Variants in HELQ observed in about 807,000 individuals in gnomAD.
HELQ encodes helicase, POLQ like, also known as helicase POLQ-like.
Under a neutral mutation model 111.6 loss-of-function variants are expected in HELQ, and 77 were observed. The ratio of observed to expected loss-of-function variants is 0.69; its 90% confidence interval spans 0.57 to 0.83. The LOEUF (loss-of-function observed/expected upper bound fraction) is 0.83, where lower values mean the gene tolerates loss of function less well. HELQ is among the 40% of genes least tolerant of loss of function. HELQ has a pLI of 0.00. For missense variants in HELQ, 1,200 were observed against 1,288.5 expected, an observed-to-expected ratio of 0.93 and a Z score of 1.05; for synonymous variants, 438 against 454.7, an observed-to-expected ratio of 0.96 and a Z score of 0.47.
intron 4 of HELQ, among the ~76,000 whole-genome samples, chr4:83,446,606 A>T (rs6854739): frequency 0.49 from 74,636 of 151,992 alleles, 18,807 homozygotes; most frequent in East Asian, 0.67. Context: ...ACGCCCAGCC[A>T]ATAAAATTGT....
chr4:83,441,818 G>A (rs1172714330), intron 6 of HELQ, among the ~76,000 whole-genome samples: 1 of 148,028 alleles, frequency 6.8e-6, no homozygotes, highest in African/African-American at 2.5e-5. Flanking sequence ...TATCACCCAG[G>A]CTTGGAGTGC....
chr4:83,429,357 C>T (rs1415712229), intron 12 of HELQ, among the ~76,000 whole-genome samples, 167 bp downstream of exon 12: 1 of 152,116 alleles, frequency 6.6e-6, no homozygotes, highest in Non-Finnish European at 1.5e-5. Context: ...CTATATTGGC[C>T]AGGCTGGTCT....
intron 17 of HELQ, among the ~76,000 whole-genome samples, chr4:83,411,604 A>AAAATAAATAAATAAATAAATAAAT (rs147373472): frequency 3.3e-5 from 5 of 150,100 alleles, no homozygotes; most frequent in African/African-American, 1.0e-4. Flanking sequence ...ACCCTGTCTC[A>AAAATAAATAAATAAATAAATAAAT]AAATAAATAA....
In HELQ at chr4:83,453,408, C is replaced by A. The variant is rs749105299; in HGVS notation, c.835G>T (p.Ala279Ser). 5 of 1,604,448 alleles carry A rather than the reference C, an allele frequency of 3.1e-6. No homozygotes were observed. In the South Asian group the frequency reaches 3.4e-5, roughly 11 times the overall value. Residue 279 changes from alanine (A) to serine (S), a missense_variant, in exon 2 of 18, where the codon GCC becomes TCC. Transcript: ENST00000295488. ...LKNAMTGNAK[A>S]QTPIFSRSKQ... ...CTTCTAGAAAATATTGGTGTCTGGG[C>A]CTTCGCATTTCCAGTCATGGCATTT...
At chr4:83,418,519 A>G (rs1739481549) in intron 15 of HELQ, among the ~76,000 whole-genome samples, 1 of 152,252 alleles carries the variant, frequency 6.6e-6, no homozygotes, top group Non-Finnish European at 1.5e-5. Context: ...AGTGACTAAA[A>G]ACAATTCCTA....
chr4:83,425,979 A>T lies in HELQ; in HGVS notation c.2775+15T>A. ...AGTGAACTTATTATTTAGGAAGAAA[A>T]AAAGAATGTGGTACCTTTCCGATGG... On this transcript the variant is annotated intron_variant, in intron 14 of 17. Coordinates refer to ENST00000295488, the MANE Select transcript of HELQ (RefSeq NM_133636.5). 1 of 1,456,036 alleles carries T rather than the reference A, an allele frequency of 6.9e-7. No homozygotes were observed. The highest frequency in any genetic ancestry group is 2.3e-5 in the East Asian group (1 of 44,018). The allele number at this position is 1,456,036 out of a possible 1,614,324, so 90.2% of individuals were successfully genotyped here. A position where few individuals can be genotyped will look rare whatever the true frequency, so the allele number is the denominator to read the frequency against.
intron 5 of HELQ, among the ~76,000 whole-genome samples, chr4:83,445,054 A>G (rs1366163689): frequency 6.6e-6 from 1 of 152,214 alleles, no homozygotes; most frequent in African/African-American, 2.4e-5. Flanking sequence ...AAGTAACAAT[A>G]TATTTATGAG....
chr4:83,408,718 C>T (rs554065530), intron 17 of HELQ, among the ~76,000 whole-genome samples: 52 of 151,698 alleles, frequency 3.4e-4, no homozygotes, highest in African/African-American at 1.1e-3. Context: ...CAGCCAAAAC[C>T]AGTTTCTTGA....
intron 1 of HELQ, 192 bp downstream of exon 1, chr4:83,455,205 T>G: frequency 8.0e-7 from 1 of 1,248,522 alleles, no homozygotes; most frequent in Admixed American, 2.9e-5. Flanking sequence ...CGTGCACAAC[T>G]TTTATGTCTC....
At chr4:83,425,846 T>C (rs913203316) in intron 14 of HELQ, 148 bp downstream of exon 14, 22 of 529,692 alleles carry the variant, frequency 4.2e-5, no homozygotes, top group African/African-American at 3.0e-4. Context: ...ATGTTTTAAG[T>C]AGTAAAATGA....
Position 83,408,338 on chromosome 4 carries a change from G to A in HELQ, c.3199-778C>T, listed in dbSNP as rs147098826. 1.1e-3 allele frequency among the ~76,000 whole-genome samples: 168 copies of A among 151,090 alleles called. 2 individuals are homozygous for A. Among genetic ancestry groups the A allele is most frequent in the African/African-American group, 3.6e-3 (150 of 41,268 alleles). On this transcript the variant is annotated intron_variant, in intron 17 of 17. Transcript: ENST00000295488. ...GTGATCTCAGCTCACTGCAACCTCC[G>A]CCTCCCAGGTTCAAGTGATTCAGAA...
Position 83,453,245 on chromosome 4 carries a change from A to G in HELQ, c.998T>C (p.Ile333Thr), listed in dbSNP as rs1218351528. The part of the protein sequence containing the change: ...VRDLYAQFKG[I>T]EKLYEWQHTC... ...AAAAGCATTACCATATAATTTTTCA[A>G]TTCCCTTGAATTGGGCATAAAGGTC... is the stretch of plus-strand genomic sequence containing the variant. The change falls in exon 2 of 18, where the codon ATT becomes ACT. Residue 333 changes from isoleucine (I) to threonine (T), a missense_variant. This residue lies in a region of HELQ where 610 missense variants were observed against 607.1 expected (regional missense o/e 1.00). Coordinates refer to ENST00000295488, the MANE Select transcript of HELQ (RefSeq NM_133636.5). The G allele has an allele frequency of 3.8e-6, 6 of 1,597,508 alleles. No individual in the cohort carries two copies. In the African/African-American group the frequency reaches 4.1e-5, roughly 11 times the overall value.
At chr4:83,421,359 G>T (rs75432040) in intron 15 of HELQ, among the ~76,000 whole-genome samples, 4,716 of 152,172 alleles carry the variant, frequency 0.031, 241 homozygotes, top group African/African-American at 0.11. Context: ...AGGAATTTTT[G>T]TATTGTTACC....
chr4:83,432,103 CA>C (rs1272499278), intron 10 of HELQ, 22 bp downstream of exon 10: 10 of 1,538,690 alleles, frequency 6.5e-6, no homozygotes, highest in Non-Finnish European at 8.7e-6. Context: ...CAAAAACAAC[CA>C]ACCAACCAAA....
At chr4:83,417,811 G>A (rs1314946281) in intron 16 of HELQ, among the ~76,000 whole-genome samples, 1 of 151,852 alleles carries the variant, frequency 6.6e-6, no homozygotes, top group African/African-American at 2.4e-5. Context: ...GAAGTGTTAA[G>A]GACAACCGGT....
chr4:83,418,189 C>A lies in HELQ; in HGVS notation c.2967G>T (p.Trp989Cys). 2 of 1,595,780 alleles carry A rather than the reference C, an allele frequency of 1.3e-6. No individual in the cohort carries two copies. Among genetic ancestry groups the A allele is most frequent in the Non-Finnish European group, 1.7e-6 (2 of 1,168,670 alleles). The change falls in exon 16 of 18, where the codon TGG becomes TGT. Residue 989 changes from tryptophan (W) to cysteine (C), a missense_variant. Transcript: ENST00000295488. ...LHFCEELEEF[W>C]VYRALLVELT... ...GTTCTACCAAAAGGGCTCTGTAAAC[C>A]CAAAACTCCTCAAGCTCCTGTAGAA...
chr4:83,424,849 C>T (rs184595476), intron 14 of HELQ, among the ~76,000 whole-genome samples: 10 of 152,178 alleles, frequency 6.6e-5, no homozygotes, highest in Admixed American at 2.0e-4. Flanking sequence ...GCCACTGTGC[C>T]GGGCCCAATA....
intron 3 of HELQ, 75 bp downstream of exon 3, chr4:83,448,708 G>T: frequency 1.2e-5 from 14 of 1,131,054 alleles, no homozygotes; most frequent in East Asian, 2.5e-5. Flanking sequence ...ACAATACAAA[G>T]TTATCACATT....
intron 2 of HELQ, among the ~76,000 whole-genome samples, chr4:83,450,222 T>TAAAAA (rs71668650): frequency 0.014 from 630 of 45,568 alleles, 127 homozygotes; most frequent in Admixed American, 0.021. Flanking sequence ...CAGTTAAGTT[T>TAAAAA]AAAAAAAAAA....
Sources: allele counts gnomAD v4.1 joint callset (sites outside exome capture counted in the v4.1 genomes callset), GRCh38; gene constraint gnomAD v4.1.1; regional missense constraint gnomAD v4.1.1; transcripts MANE v1.5; gene names NCBI Gene and HGNC (gene_info 2026-07-23, HGNC 2026-07-21).